URB1: variants seen among roughly 807,000 people sequenced by gnomAD.
The protein encoded by URB1 is nucleolar pre-ribosomal-associated protein 1.
A neutral mutation model predicts 242.3 loss-of-function variants in URB1; 197 were observed. The observed-to-expected ratio is 0.81, with a 90% CI of 0.72 to 0.91. The LOEUF (loss-of-function observed/expected upper bound fraction) is 0.91. Ranked by LOEUF, URB1 falls within the 40% of genes least tolerant of loss-of-function variation. The probability of loss-of-function intolerance (pLI) is 0.00; values close to 1 mark genes in which losing one functional copy is unlikely to be tolerated. For missense variants in URB1, 2,721 were observed against 2,860.5 expected, an observed-to-expected ratio of 0.95 and a Z score of 1.11; for synonymous variants, 1,153 against 1,201.8, an observed-to-expected ratio of 0.96 and a Z score of 0.84.
At chr21:32,370,196 C>T (rs1166289332) in intron 8 of URB1, among the ~76,000 whole-genome samples, 1 of 152,050 alleles carries the variant, frequency 6.6e-6, no homozygotes, top group Admixed American at 6.6e-5. Flanking sequence ...GTGCACGACA[C>T]AGTGATGGTT....
rs1568821328 is a variant in URB1 at position 32,352,820 on chromosome 21, G to A, written c.2503C>T (p.Gln835Ter). The A allele has an allele frequency of 6.4e-7, 1 of 1,551,734 alleles. No individual in the cohort carries two copies. ...RDPLALCLLL[Q>*]AYDKLEPPCL... ...GGAGGCTCAAGCTTATCATATGCCT[G>A]GAGCAGGAGACACAGAGCCAGGGGG... is the stretch of plus-strand genomic sequence containing the variant. The change falls in exon 19 of 39, where the codon CAG becomes TAG. Residue 835 changes from glutamine (Q) to a stop codon, truncating the protein, a stop_gained. Transcript: ENST00000382751. LOFTEE classifies it high-confidence loss of function.
intron 18 of URB1, 27 bp downstream of exon 18, chr21:32,353,906 C>T: frequency 1.3e-6 from 2 of 1,548,972 alleles, no homozygotes; most frequent in Non-Finnish European, 1.7e-6. Flanking sequence ...CAGGTGCAGC[C>T]AAGACATCCT....
chr21:32,345,393 T>C lies in URB1; in HGVS notation c.4051A>G (p.Thr1351Ala), dbSNP rs1387715343. The change falls in exon 23 of 39, where the codon ACC (threonine) becomes GCC (alanine). Residue 1351 changes from threonine to alanine, a missense_variant. Coordinates refer to ENST00000382751, the MANE Select transcript of URB1 (RefSeq NM_014825.3). ...TCATACCTCTTGTGACTGCTTGGGG[T>C]GTGAAGCAAGCTGGGCAGGCGGTCC... ...LMDRLPSLLH[T>A]PSSHKRWIVA... 2 of 1,548,604 alleles carry C rather than the reference T, an allele frequency of 1.3e-6. No individual in the cohort carries two copies.
chr21:32,344,984 C>T lies in URB1; in HGVS notation c.4071-228G>A, dbSNP rs118080576. Reference sequence around the variant, plus strand: ...CTATTAGTACACCAGGAAAAGGACACGTATGTCCAGACTTTTTCTAAATCA... The same window carrying T: ...CTATTAGTACACCAGGAAAAGGACATGTATGTCCAGACTTTTTCTAAATCA... On this transcript the variant is annotated intron_variant, in intron 23 of 38. Transcript: ENST00000382751. Among the ~76,000 whole-genome samples the T allele has an allele frequency of 9.6e-4, 146 of 152,290 alleles. No homozygotes were observed. The East Asian group carries it at 0.021, about 22-fold the overall frequency.
rs372535489 is a variant in URB1 at position 32,361,050 on chromosome 21, G to A, written c.1713C>T (p.His571=). Residue 571 remains histidine (H), a synonymous_variant, in exon 13 of 39, where the codon CAC becomes CAT. Transcript: ENST00000382751. ...AGTCAAAGTTGTACTGCATGACCAC[G>A]TGGGGGACCACCTTCTGGTAGAGGC... ...VICLYQKVVP[H]VVMQYNFDFS... The A allele has an allele frequency of 3.6e-5, 56 of 1,551,286 alleles. No homozygotes were observed. The African/African-American group carries it at 7.0e-4, about 19-fold the overall frequency.
chr21:32,341,998 C>G (rs2033035564), intron 24 of URB1, among the ~76,000 whole-genome samples: 1 of 151,980 alleles, frequency 6.6e-6, no homozygotes. Context: ...ATATGAAACA[C>G]AGTCATCCAA....
chr21:32,321,665 C>T, intron 34 of URB1, 136 bp downstream of exon 34: 1 of 1,295,614 alleles, frequency 7.7e-7, no homozygotes, highest in East Asian at 2.5e-5. Context: ...CATCTCACTT[C>T]CCCTAACTGA....
rs1281946210 is a variant in URB1 at position 32,311,376 on chromosome 21, G to C, written c.*3542C>G. 2 of 448,628 alleles carry C rather than the reference G, an allele frequency of 4.5e-6. No individual in the cohort carries two copies. The highest frequency in any genetic ancestry group is 3.8e-5 in the East Asian group (1 of 26,336). 27.8% of individuals were successfully genotyped at this position (448,628 alleles called of 1,614,324 possible). On this transcript the variant is annotated 3_prime_UTR_variant, in exon 39 of 39. Coordinates refer to ENST00000382751, the MANE Select transcript of URB1 (RefSeq NM_014825.3). ...ATAAAATGAACTACACTCAGATACAGCGCTGGATGGGAGGTCAACCTGCTC... is the reference window on the plus strand; with the variant it reads ...ATAAAATGAACTACACTCAGATACACCGCTGGATGGGAGGTCAACCTGCTC...
rs2032995653 is a variant in URB1 at position 32,338,873 on chromosome 21, T to C, written c.4344A>G (p.Leu1448=). Residue 1448 remains leucine (L), a synonymous_variant, in exon 26 of 39, where the codon TTA becomes TTG. Coordinates refer to ENST00000382751, the MANE Select transcript of URB1 (RefSeq NM_014825.3). ...GCTGTACGGCGGTGAGGAGCATCTT[T>C]AAAAATGTGTGGTCCTGGTACCGAA... The part of the protein sequence containing the change: ...LKFRYQDHTF[L]KMLLTAVQLL... The C allele has an allele frequency of 5.2e-6, 8 of 1,548,770 alleles. No homozygotes were observed. The highest frequency in any genetic ancestry group is 7.0e-6 in the Non-Finnish European group (8 of 1,144,748).
chr21:32,344,451 C>G, intron 24 of URB1, 119 bp downstream of exon 24: 1 of 1,138,098 alleles, frequency 8.8e-7, no homozygotes. Flanking sequence ...CACAGCCCCT[C>G]TCATTTCCTA....
intron 25 of URB1, among the ~76,000 whole-genome samples, chr21:32,339,464 G>A (rs930072314): frequency 2.6e-5 from 4 of 151,396 alleles, no homozygotes; most frequent in African/African-American, 9.7e-5. Flanking sequence ...ACAAGGGAGG[G>A]ATGCAGTGCA....
chr21:32,357,616 A>C lies in URB1; in HGVS notation c.1910T>G (p.Val637Gly). The C allele has an allele frequency of 1.3e-6, 2 of 1,525,904 alleles. No homozygotes were observed. Among genetic ancestry groups the C allele is most frequent in the Non-Finnish European group, 1.8e-6 (2 of 1,137,580 alleles). 94.5% of individuals were successfully genotyped at this position (1,525,904 alleles called of 1,614,324 possible). ...AAACATTTTCATTAGTAAGTAAAAT[A>C]CTGATCGTTCACCTCCAATAATTTC... ...DAEIIGGERS[V>G]FYLLMKMFVT... Residue 637 changes from valine to glycine, a missense_variant, in exon 15 of 39, where the codon GTA becomes GGA. Physicochemically the swap from Val to Gly is moderately radical, Grantham distance 109. Transcript: ENST00000382751.
intron 21 of URB1, 69 bp from the exon 22 acceptor site, chr21:32,347,880 C>A: frequency 6.8e-7 from 1 of 1,462,338 alleles, no homozygotes; most frequent in Non-Finnish European, 9.0e-7. Flanking sequence ...GCAGCTGCCA[C>A]GCAAGTATTC....
At chr21:32,347,844 T>C (rs757182970) in intron 21 of URB1, 33 bp from the exon 22 acceptor site, 10 of 1,519,818 alleles carry the variant, frequency 6.6e-6, no homozygotes, top group South Asian at 2.5e-5. Flanking sequence ...AGACGTCACA[T>C]AGAGCACAGG....
chr21:32,371,852 G>A (rs527953838), intron 8 of URB1, among the ~76,000 whole-genome samples: 42 of 151,716 alleles, frequency 2.8e-4, no homozygotes, highest in Non-Finnish European at 5.3e-4. Context: ...TGTATTATAC[G>A]ATTACAAAAA....
chr21:32,341,474 C>A lies in URB1; in HGVS notation c.4308G>T (p.Lys1436Asn), dbSNP rs1486403913. ...DPGDWQKFVK[K>N]GLKFRYQDHT... ...AAATAAAATCAACTTACTTGAGTCC[C>A]TTCTTCACGAATTTCTGCCAGTCAC... Residue 1436 changes from lysine to asparagine, a missense_variant, in exon 25 of 39, where the codon AAG becomes AAT. Physicochemically the swap from Lys to Asn is moderately conservative, Grantham distance 94. Transcript: ENST00000382751. The A allele has an allele frequency of 7.7e-6, 12 of 1,551,568 alleles. No individual in the cohort carries two copies. Among genetic ancestry groups the A allele is most frequent in the Non-Finnish European group, 1.0e-5 (12 of 1,146,938 alleles).
At chr21:32,364,023 C>A (rs368763539) in intron 10 of URB1, among the ~76,000 whole-genome samples, 1 of 151,548 alleles carries the variant, frequency 6.6e-6, no homozygotes, top group Non-Finnish European at 1.5e-5. Context: ...CTATTAAAAG[C>A]ATTAGCATCA....
At chr21:32,324,308 C>T (rs2032801417) in intron 32 of URB1, among the ~76,000 whole-genome samples, 183 bp downstream of exon 32, 1 of 152,220 alleles carries the variant, frequency 6.6e-6, no homozygotes, top group Admixed American at 6.5e-5. Context: ...TCATAGCCAT[C>T]ACCTATTTAC....
chr21:32,324,626 A>AAAT, intron 31 of URB1, 24 bp from the exon 32 acceptor site: 1 of 1,514,118 alleles, frequency 6.6e-7, no homozygotes, highest in Non-Finnish European at 9.0e-7. Context: ...CAGAAAAGGA[A>AAAT]AATGTAAGAT....
Sources: allele counts gnomAD v4.1 joint callset (sites outside exome capture counted in the v4.1 genomes callset), GRCh38; gene constraint gnomAD v4.1.1; transcripts MANE v1.5; gene names NCBI Gene and HGNC (gene_info 2026-07-23, HGNC 2026-07-21).